Variants in PARN observed in about 807,000 individuals in gnomAD.
PARN encodes poly(A)-specific ribonuclease.
A neutral mutation model predicts 102.8 loss-of-function variants in PARN; 71 were observed. That is an observed-to-expected ratio of 0.69 (90% CI 0.57 to 0.84). The LOEUF is 0.84. Ranked by LOEUF, PARN falls within the 40% of genes least tolerant of loss-of-function variation. The pLI, the probability that PARN is intolerant of heterozygous loss-of-function variation, is 0.00. For missense variants in PARN, 782 were observed against 760.9 expected, an observed-to-expected ratio of 1.03 and a Z score of -0.33; for synonymous variants, 261 against 252.9, an observed-to-expected ratio of 1.03 and a Z score of -0.30.
intron 23 of PARN, among the ~76,000 whole-genome samples, chr16:14,439,554 T>G (rs1026683035): frequency 6.6e-6 from 1 of 152,252 alleles, no homozygotes; most frequent in South Asian, 2.1e-4. Context: ...TTGTAAAACC[T>G]AAAACTGTAA....
At chr16:14,486,987 A>C (rs1039875679) in intron 21 of PARN, among the ~76,000 whole-genome samples, 1 of 152,262 alleles carries the variant, frequency 6.6e-6, no homozygotes, top group Non-Finnish European at 1.5e-5. Flanking sequence ...GTTCCCTCAC[A>C]TAAGAGTCTC....
chr16:14,478,799 G>T (rs1356823692), intron 22 of PARN, among the ~76,000 whole-genome samples: 1 of 151,542 alleles, frequency 6.6e-6, no homozygotes, highest in African/African-American at 2.4e-5. Flanking sequence ...TCTTTTTTTT[G>T]AGATGAAGTC....
At chr16:14,600,790 C>T (rs8063661) in intron 11 of PARN, among the ~76,000 whole-genome samples, 7,918 of 152,064 alleles carry the variant, frequency 0.052, 243 homozygotes, top group African/African-American at 0.082. Flanking sequence ...ATTATCCGGA[C>T]GTGGTGGTGC....
intron 18 of PARN, among the ~76,000 whole-genome samples, chr16:14,562,169 CAT>C (rs1188724970): frequency 6.6e-6 from 1 of 151,914 alleles, no homozygotes; most frequent in Admixed American, 6.6e-5. Flanking sequence ...AACTTTGACA[CAT>C]AAAATTTTAA....
At chr16:14,467,152 T>G (rs938650952) in intron 22 of PARN, among the ~76,000 whole-genome samples, 1 of 152,230 alleles carries the variant, frequency 6.6e-6, no homozygotes, top group Non-Finnish European at 1.5e-5. Context: ...TTAGCAATCC[T>G]AAATGGACAT....
chr16:14,439,231 G>A (rs1241988584), intron 23 of PARN, among the ~76,000 whole-genome samples: 1 of 152,038 alleles, frequency 6.6e-6, no homozygotes, highest in Non-Finnish European at 1.5e-5. Context: ...AATTTGCCAG[G>A]TGTGGTGGCA....
intron 22 of PARN, among the ~76,000 whole-genome samples, chr16:14,481,704 C>T (rs1168340237): frequency 2.6e-5 from 4 of 152,098 alleles, no homozygotes; most frequent in Non-Finnish European, 5.9e-5. Flanking sequence ...ACAGTGATTG[C>T]TTCTGGGTGT....
At chr16:14,564,264 A>AC (rs1437971811) in intron 18 of PARN, among the ~76,000 whole-genome samples, 1 of 152,242 alleles carries the variant, frequency 6.6e-6, no homozygotes, top group Non-Finnish European at 1.5e-5. Flanking sequence ...TGCTCAGGAT[A>AC]CAACATCCCA....
chr16:14,534,544 C>T (rs1278086684), intron 21 of PARN, among the ~76,000 whole-genome samples: 1 of 151,910 alleles, frequency 6.6e-6, no homozygotes, highest in Admixed American at 6.6e-5. Flanking sequence ...GAGTTCATTT[C>T]CCCCCCTACA....
chr16:14,495,114 G>A (rs915974801), intron 21 of PARN, among the ~76,000 whole-genome samples: 1 of 152,100 alleles, frequency 6.6e-6, no homozygotes, highest in Non-Finnish European at 1.5e-5. Flanking sequence ...GATGGGGAGG[G>A]CAGTCATGAA....
At chr16:14,448,938 A>C (rs1961321828) in intron 22 of PARN, among the ~76,000 whole-genome samples, 1 of 152,216 alleles carries the variant, frequency 6.6e-6, no homozygotes, top group Non-Finnish European at 1.5e-5. Context: ...TTAAAAATGT[A>C]TGCTGAAGTT....
chr16:14,593,343 G>A lies in PARN; in HGVS notation c.876C>T (p.Asp292=), dbSNP rs759199788. The A allele has an allele frequency of 1.0e-5, 16 of 1,606,358 alleles. No homozygotes were observed. The highest frequency in any genetic ancestry group is 2.7e-5 in the African/African-American group (2 of 74,632). ...KLVIGHNMLL[D]VMHTVHQFYC... ...AGAACTGATGAACTGTGTGCATGAC[G>A]TCCAAGAGCATATTGTGTCCAATAA... Residue 292 remains aspartate, a synonymous_variant, in exon 13 of 24, where the codon GAC becomes GAT. Transcript: ENST00000437198.
At chr16:14,472,426 G>A (rs1962800827) in intron 22 of PARN, among the ~76,000 whole-genome samples, 1 of 152,150 alleles carries the variant, frequency 6.6e-6, no homozygotes, top group Admixed American at 6.5e-5. Context: ...TGGGGGTGGT[G>A]GAAATTCTTC....
chr16:14,609,255 G>T, intron 7 of PARN, 132 bp from the exon 8 acceptor site: 1 of 581,532 alleles, frequency 1.7e-6, no homozygotes. Flanking sequence ...AATTACCCTA[G>T]AAATTTTAGT....
At chr16:14,629,778 G>T in intron 1 of PARN, 104 bp from the exon 2 acceptor site, 1 of 883,048 alleles carries the variant, frequency 1.1e-6, no homozygotes, top group Non-Finnish European at 1.9e-6. Flanking sequence ...GCCGGAAGGG[G>T]AAAAGTCCCG....
At chr16:14,477,140 G>T (rs748299827) in intron 22 of PARN, among the ~76,000 whole-genome samples, 1 of 152,100 alleles carries the variant, frequency 6.6e-6, no homozygotes, top group African/African-American at 2.4e-5. Flanking sequence ...CGATGCAAAC[G>T]CTAAGTATAA....
At chr16:14,551,853 T>C (rs180697330) in intron 21 of PARN, among the ~76,000 whole-genome samples, 168 bp downstream of exon 21, 15 of 152,234 alleles carry the variant, frequency 9.9e-5, no homozygotes, top group Non-Finnish European at 1.9e-4. Flanking sequence ...TTCTCATCTA[T>C]ACATGATACT....
rs1185881504 is a variant in PARN, at chr16:14,456,435, A to C, written c.1671-9354T>G. Among the ~76,000 whole-genome samples the C allele has an allele frequency of 2.6e-5, 4 of 152,200 alleles. No individual in the cohort carries two copies. The South Asian group carries it at 6.2e-4, about 24-fold the overall frequency. Reference sequence around the variant, plus strand: ...CTGATCCTCCCTCCTTGGTCCCCCAAAGTGCCGGTATTATAGGCGTGAACC... The same window carrying C: ...CTGATCCTCCCTCCTTGGTCCCCCACAGTGCCGGTATTATAGGCGTGAACC... On this transcript the variant is annotated intron_variant, in intron 22 of 23. Transcript: ENST00000437198.
At chr16:14,491,669 G>C (rs1266698348) in intron 21 of PARN, among the ~76,000 whole-genome samples, 1 of 152,092 alleles carries the variant, frequency 6.6e-6, no homozygotes, top group Non-Finnish European at 1.5e-5. Flanking sequence ...CTACTCAGAA[G>C]GCTGAAGTGG....
Sources: gnomAD v4.1 joint callset for allele counts (sites outside exome capture counted in the v4.1 genomes callset) on GRCh38, gnomAD v4.1.1 for gene constraint, MANE v1.5 for transcripts, NCBI Gene and HGNC (gene_info 2026-07-23, HGNC 2026-07-21) for gene names.